FAM234A: variants seen among roughly 807,000 people sequenced by gnomAD.
The protein encoded by FAM234A is family with sequence similarity 234 member A.
Under a neutral mutation model 49.1 loss-of-function variants are expected in FAM234A, and 42 were observed. The observed-to-expected ratio is 0.86, with a 90% CI of 0.67 to 1.11. The LOEUF is 1.11. Among genes scored for constraint, FAM234A ranks in the 50% least tolerant of loss-of-function variants. FAM234A has a pLI of 0.00. For synonymous variants in FAM234A, 369 were observed against 316.2 expected (o/e 1.17, Z -1.77); for missense variants, 815 against 745.2 (o/e 1.09, Z -1.09).
intron 1 of FAM234A, among the ~76,000 whole-genome samples, chr16:246,005 G>A (rs2050788726): frequency 6.6e-6 from 1 of 151,940 alleles, no homozygotes; most frequent in Non-Finnish European, 1.5e-5. Context: ...AGCAGTTCTA[G>A]ACCAGCCTGA....
rs114091156 is a variant in FAM234A, at chr16:236,595, A to C, written c.-140+1738A>C. 7.5e-3 allele frequency among the ~76,000 whole-genome samples: 1,085 copies of C among 145,186 alleles called. 15 individuals carry two copies. The highest frequency in any genetic ancestry group is 0.027 in the African/African-American group (1,037 of 38,934). ...CCGAGATTGCACCACTACGCTCTGG[A>C]GACATAGCGAGACTGTCTCAAAATA... On this transcript the variant is annotated intron_variant, in intron 1 of 12. Transcript: ENST00000399932.
chr16:239,216 C>G (rs1191225050), intron 1 of FAM234A, among the ~76,000 whole-genome samples: 2 of 136,266 alleles, frequency 1.5e-5, no homozygotes, highest in African/African-American at 5.7e-5. Flanking sequence ...AGGAGAATCG[C>G]TTGAACCCAG....
chr16:249,835 C>A (rs1345289725), intron 2 of FAM234A, among the ~76,000 whole-genome samples, 181 bp downstream of exon 2: 1 of 152,034 alleles, frequency 6.6e-6, no homozygotes, highest in Non-Finnish European at 1.5e-5. Context: ...TTTTAAAGCT[C>A]TTAAGTTTAA....
chr16:265,367 G>A lies in FAM234A; in HGVS notation c.*345G>A, dbSNP rs1488076096. ...GTCATGCAGCACCCCATCCTTACCC[G>A]GTGCCCTCTCCTTGCCAGCTTCTCC... On this transcript the variant is annotated 3_prime_UTR_variant, in exon 13 of 13. Transcript: ENST00000399932. 1.9e-5 allele frequency: 20 copies of A among 1,073,910 alleles called. No individual in the cohort carries two copies. In the East Asian group the frequency reaches 4.0e-4, roughly 22 times the overall value. 66.5% of individuals were successfully genotyped at this position (1,073,910 alleles called of 1,614,324 possible).
chr16:244,103 G>A lies in FAM234A; in HGVS notation c.-139-5446G>A, dbSNP rs543450005. Among the ~76,000 whole-genome samples the A allele has an allele frequency of 4.1e-3, 623 of 152,056 alleles. 4 individuals are homozygous for A. Among genetic ancestry groups the A allele is most frequent in the African/African-American group, 0.014 (580 of 41,460 alleles). On this transcript the variant is annotated intron_variant, in intron 1 of 12. Coordinates refer to ENST00000399932, the MANE Select transcript of FAM234A (RefSeq NM_032039.4). The stretch of plus-strand genomic sequence containing the variant: ...CCTGCCTCAGCCTCCTGAGTAGCTG[G>A]GACTACAGGCACCCGCCACCACGCC...
At chr16:235,480 C>T (rs941124790) in intron 1 of FAM234A, among the ~76,000 whole-genome samples, 3 of 152,144 alleles carry the variant, frequency 2.0e-5, no homozygotes, top group Non-Finnish European at 2.9e-5. Context: ...TGGCTCTCCC[C>T]TACGTTCGTT....
At chr16:237,432 T>G (rs2050443442) in intron 1 of FAM234A, among the ~76,000 whole-genome samples, 1 of 152,014 alleles carries the variant, frequency 6.6e-6, no homozygotes, top group African/African-American at 2.4e-5. Flanking sequence ...AAAAGCTGGA[T>G]GGAGTCTTTT....
rs201794194 is a variant in FAM234A at position 254,677 on chromosome 16, C to T, written c.264C>T (p.Ala88=). ...GAATGTGGAGGATAGACTACAGTGC[C>T]GCTGGTGAGCCTCGGCTTCCCCGCC... is the stretch of plus-strand genomic sequence containing the variant. The part of the protein sequence containing the change: ...SQRMWRIDYS[A]AVIYDFLAVD... The change falls in exon 3 of 13, where the codon GCC becomes GCT. Residue 88 remains alanine (A), a synonymous_variant. Coordinates refer to ENST00000399932, the MANE Select transcript of FAM234A (RefSeq NM_032039.4). The T allele has an allele frequency of 4.3e-6, 7 of 1,613,070 alleles. No individual in the cohort carries two copies. In the East Asian group the frequency reaches 6.7e-5, roughly 15 times the overall value.
intron 5 of FAM234A, chr16:260,678 C>T (rs778289298): frequency 6.8e-5 from 32 of 469,216 alleles, no homozygotes; most frequent in South Asian, 5.0e-4. Context: ...GCTCCTTGCA[C>T]CTCATCGCGG....
At chr16:238,104 C>G (rs1001572088) in intron 1 of FAM234A, among the ~76,000 whole-genome samples, 4 of 152,048 alleles carry the variant, frequency 2.6e-5, no homozygotes, top group Non-Finnish European at 4.4e-5. Context: ...CTGCAACCCC[C>G]GCCTCCCAGG....
chr16:260,844 C>T (rs1233636886), intron 5 of FAM234A: 2 of 361,124 alleles, frequency 5.5e-6, no homozygotes. Context: ...ATTGTATGTG[C>T]GTAAGGAGTT....
chr16:255,529 G>A (rs562229294), intron 3 of FAM234A, among the ~76,000 whole-genome samples: 16 of 152,234 alleles, frequency 1.1e-4, no homozygotes, highest in African/African-American at 2.9e-4. Flanking sequence ...AGCTGTGATC[G>A]TGCCACTGCA....
chr16:267,177 T>C (rs1411979216), downstream of FAM234A, among the ~76,000 whole-genome samples: 2 of 152,070 alleles, frequency 1.3e-5, no homozygotes, highest in Non-Finnish European at 2.9e-5. Context: ...CTCTGTGGCC[T>C]TAGGGCAGGC....
chr16:236,219 G>A (rs1322990404), intron 1 of FAM234A, among the ~76,000 whole-genome samples: 1 of 150,254 alleles, frequency 6.7e-6, no homozygotes, highest in East Asian at 2.1e-4. Flanking sequence ...GCCTCCCAAA[G>A]TGCTGGGATT....
intron 5 of FAM234A, chr16:261,173 C>T (rs1241584567): frequency 3.7e-6 from 2 of 533,632 alleles, no homozygotes; most frequent in Admixed American, 3.2e-5. Context: ...ACGGGCAGGA[C>T]GTGTGTCCAC....
chr16:252,002 C>CAA (rs1203781848), intron 2 of FAM234A, among the ~76,000 whole-genome samples: 642 of 47,966 alleles, frequency 0.013, 7 homozygotes, highest in African/African-American at 0.046. Flanking sequence ...GACTCCGTCT[C>CAA]AAAAAAAAAA....
downstream of FAM234A, chr16:268,462 C>A: frequency 2.2e-6 from 1 of 457,406 alleles, no homozygotes; most frequent in Non-Finnish European, 4.0e-6. Context: ...GTACCTTCAC[C>A]CAGTCTGGGG....
rs1288282126 is a variant in FAM234A at position 264,626 on chromosome 16, G to A, written c.1357G>A (p.Ala453Thr). Residue 453 changes from alanine (A) to threonine (T), a missense_variant, in exon 12 of 13, where the codon GCC (alanine) becomes ACC (threonine). Physicochemically the swap from Ala to Thr is moderately conservative, Grantham distance 58 (BLOSUM62 0). Transcript: ENST00000399932. ...GSTSETETGE[A>T]RHSLYMFHPT... is the part of the protein sequence containing the mutation. ...GTTCTCGCTCCAGGAGACCGGGGAGGCCCGGCACAGCCTGTACATGTTCCA... is the reference window on the plus strand; with the variant it reads ...GTTCTCGCTCCAGGAGACCGGGGAGACCCGGCACAGCCTGTACATGTTCCA... 1 of 1,610,296 alleles carries A rather than the reference G, an allele frequency of 6.2e-7. No homozygotes were observed.
At chr16:236,690 A>C (rs1642937196) in intron 1 of FAM234A, among the ~76,000 whole-genome samples, 1 of 150,478 alleles carries the variant, frequency 6.6e-6, no homozygotes. Context: ...GCGGATCACG[A>C]GGTCAGGAGA....
Sources: allele counts gnomAD v4.1 joint callset (sites outside exome capture counted in the v4.1 genomes callset), GRCh38; gene constraint gnomAD v4.1.1; transcripts MANE v1.5; gene names NCBI Gene and HGNC (gene_info 2026-07-23, HGNC 2026-07-21).